The following ANK2 variants were observed in gnomAD, a reference collection of about 807,000 sequenced individuals.
ANK2 encodes ankyrin 2.
Under a neutral mutation model 360.5 loss-of-function variants are expected in ANK2, and 83 were observed. The ratio of observed to expected loss-of-function variants is 0.23; its 90% CI spans 0.19 to 0.28. The LOEUF (loss-of-function observed/expected upper bound fraction) is 0.28, where lower values mean the gene tolerates loss of function less well. ANK2 is among the 10% of genes least tolerant of loss of function. ANK2 has a pLI of 1.00. For synonymous variants in ANK2, 1,740 were observed against 1,759.5 expected (o/e 0.99, Z 0.28); for missense variants, 4,201 against 4,795.7 (o/e 0.88, Z 3.66).
the ANK2 span, among the ~76,000 whole-genome samples, chr4:112,783,408 C>A: frequency 6.6e-6 from 1 of 152,068 alleles, no homozygotes; most frequent in Non-Finnish European, 1.5e-5. Context: ...TGTGGTTTAA[C>A]CCAATATCTC....
chr4:112,979,816 C>G (rs1032642281), intron 2 of ANK2: 16 of 152,170 alleles, frequency 1.1e-4, no homozygotes, highest in African/African-American at 3.9e-4. Context: ...GTGGTTTTTA[C>G]GGACTCAGGA....
intron 13 of ANK2, among the ~76,000 whole-genome samples, chr4:113,261,454 C>G (rs544852861): frequency 3.2e-4 from 48 of 152,228 alleles, no homozygotes; most frequent in African/African-American, 1.0e-3. Flanking sequence ...CCTTAAATTT[C>G]ATTAGCTTGA....
At chr4:112,874,574 G>A (rs13103713) in intron 1 of ANK2, among the ~76,000 whole-genome samples, 2 of 149,992 alleles carry the variant, frequency 1.3e-5, no homozygotes, top group East Asian at 2.0e-4. Flanking sequence ...TGTGGAAGGC[G>A]GAGGTTGCAG....
intron 1 of ANK2, among the ~76,000 whole-genome samples, chr4:112,869,840 G>C (rs1193348252): frequency 6.6e-6 from 1 of 151,744 alleles, no homozygotes; most frequent in Non-Finnish European, 1.5e-5. Flanking sequence ...GTGCCACCAT[G>C]CCTGGCTAAT....
At chr4:113,080,439 C>T (rs113087508) in intron 1 of ANK2, among the ~76,000 whole-genome samples, 141 of 152,114 alleles carry the variant, frequency 9.3e-4, no homozygotes, top group African/African-American at 3.3e-3. Context: ...CTGTATTTTC[C>T]ATTGTTATTC....
At chr4:113,141,087 A>G (rs1160969395) in intron 1 of ANK2, among the ~76,000 whole-genome samples, 2 of 152,236 alleles carry the variant, frequency 1.3e-5, no homozygotes, top group Non-Finnish European at 2.9e-5. Flanking sequence ...CTGTCCTGCA[A>G]AGCCAGTTTG....
chr4:113,275,764 T>C (rs920165360), intron 15 of ANK2, among the ~76,000 whole-genome samples: 18 of 151,740 alleles, frequency 1.2e-4, no homozygotes, highest in Non-Finnish European at 2.2e-4. Context: ...CCTGAGAGAT[T>C]TGGTGATTGT....
chr4:113,103,743 C>T (rs1358677992), intron 1 of ANK2, among the ~76,000 whole-genome samples: 1 of 152,118 alleles, frequency 6.6e-6, no homozygotes, highest in Non-Finnish European at 1.5e-5. Context: ...TTTTAAAAGT[C>T]AGCTATGTAA....
At chr4:112,834,500 C>G (rs975249140) in intron 1 of ANK2, among the ~76,000 whole-genome samples, 1 of 151,988 alleles carries the variant, frequency 6.6e-6, no homozygotes, top group Non-Finnish European at 1.5e-5. Context: ...AATATATTTG[C>G]CAATCTGGTT....
intron 1 of ANK2, among the ~76,000 whole-genome samples, chr4:113,173,692 G>A (rs1467119030): frequency 6.6e-6 from 1 of 152,100 alleles, no homozygotes; most frequent in African/African-American, 2.4e-5. Context: ...AGAGGAGTGT[G>A]GGAAGATGAG....
At chr4:112,897,703 A>G (rs984095331) in intron 1 of ANK2, among the ~76,000 whole-genome samples, 1 of 152,090 alleles carries the variant, frequency 6.6e-6, no homozygotes, top group East Asian at 1.9e-4. Flanking sequence ...AGTGGCTTGA[A>G]CATCTGTTTG....
chr4:113,239,926 A>C (rs1000789228), intron 7 of ANK2, among the ~76,000 whole-genome samples: 1 of 152,194 alleles, frequency 6.6e-6, no homozygotes. Context: ...CGTGCTACAC[A>C]GTTGTAAAAG....
chr4:113,300,413 G>A (rs1346071300), intron 22 of ANK2, among the ~76,000 whole-genome samples: 1 of 152,106 alleles, frequency 6.6e-6, no homozygotes, highest in African/African-American at 2.4e-5. Context: ...GCATAATTTA[G>A]TATTAACAAG....
intron 1 of ANK2, among the ~76,000 whole-genome samples, chr4:112,872,866 T>C (rs1331015092): frequency 6.6e-6 from 1 of 151,794 alleles, no homozygotes; most frequent in Non-Finnish European, 1.5e-5. Context: ...TGAAAAAAAT[T>C]TTTTTTTTAA....
chr4:112,827,432 G>A, intron 1 of ANK2: 2 of 1,383,098 alleles, frequency 1.4e-6, no homozygotes, highest in African/African-American at 1.4e-5. Flanking sequence ...CTAGAACTTG[G>A]AAGTGAGGGC....
chr4:112,905,949 A>C (rs2085046645), intron 2 of ANK2, among the ~76,000 whole-genome samples: 1 of 152,204 alleles, frequency 6.6e-6, no homozygotes, highest in Non-Finnish European at 1.5e-5. Context: ...GGCATGAGTC[A>C]CTGCGCCTGG....
intron 1 of ANK2, among the ~76,000 whole-genome samples, chr4:112,890,448 C>T (rs1438542939): frequency 6.6e-5 from 10 of 151,600 alleles, no homozygotes; most frequent in Admixed American, 2.0e-4. Context: ...TATTACATGT[C>T]CTTCAAAGAA....
intron 14 of ANK2, among the ~76,000 whole-genome samples, chr4:113,271,060 T>C (rs963062800): frequency 5.3e-5 from 8 of 152,222 alleles, no homozygotes; most frequent in Non-Finnish European, 1.0e-4. Context: ...CTGATTAACC[T>C]GTGGTGACAG....
At chr4:112,833,615 T>C (rs2149709109) in intron 1 of ANK2, among the ~76,000 whole-genome samples, 1 of 152,190 alleles carries the variant, frequency 6.6e-6, no homozygotes, top group South Asian at 2.1e-4. Flanking sequence ...GCCATTCTCC[T>C]TGCTCAGCCT....
Sources: allele counts gnomAD v4.1 joint callset (sites outside exome capture counted in the v4.1 genomes callset), GRCh38; gene constraint gnomAD v4.1.1; transcripts MANE v1.5; gene names NCBI Gene and HGNC (gene_info 2026-07-23, HGNC 2026-07-21).